XKR6: variants seen among roughly 807,000 people sequenced by gnomAD.
XKR6 encodes XK related 6, also known as XK-related protein 6.
A neutral mutation model predicts 56.7 loss-of-function variants in XKR6; 22 were observed. The ratio of observed to expected loss-of-function variants is 0.39; its 90% CI spans 0.28 to 0.55. XKR6 has a LOEUF of 0.55. Ranked by LOEUF, XKR6 falls within the 20% of genes least tolerant of loss-of-function variation. The probability of loss-of-function intolerance (pLI) is 0.66; values close to 1 mark genes in which losing one functional copy is unlikely to be tolerated. For missense variants in XKR6, 852 were observed against 889.0 expected (o/e 0.96, Z 0.53); for synonymous variants, 524 against 387.8 (o/e 1.35, Z -4.13).
intron 1 of XKR6, among the ~76,000 whole-genome samples, chr8:11,038,259 GA>G: frequency 6.6e-6 from 1 of 152,196 alleles, no homozygotes; most frequent in Admixed American, 6.5e-5. Context: ...TTTAATTTGA[GA>G]AAAAAGTGTC....
rs373213134 is a variant in XKR6, at chr8:10,973,807, A to G, written c.765-48977T>C. ...ACCATGTTGCCCAGGCTGGTCGTGA[A>G]CTCATGAGCTCAAGCAATCCACCCA... On this transcript the variant is annotated intron_variant, in intron 1 of 2. Coordinates refer to ENST00000416569, the MANE Select transcript of XKR6 (RefSeq NM_173683.4). 4.9e-3 allele frequency among the ~76,000 whole-genome samples: 739 copies of G among 152,182 alleles called. 6 individuals carry two copies. Among genetic ancestry groups the G allele is most frequent in the African/African-American group, 0.017 (691 of 41,518 alleles).
chr8:11,001,451 G>A (rs1012334494), intron 1 of XKR6, among the ~76,000 whole-genome samples: 6 of 152,146 alleles, frequency 3.9e-5, no homozygotes, highest in South Asian at 2.1e-4. Context: ...CTAGACTCTC[G>A]AATATTCAAA....
chr8:11,193,814 A>T (rs79385206), intron 1 of XKR6, among the ~76,000 whole-genome samples: 3,522 of 147,770 alleles, frequency 0.024, 139 homozygotes, highest in African/African-American at 0.083. Flanking sequence ...GCTTAAACAG[A>T]TACGCATATA....
chr8:11,078,685 T>C (rs576092182), intron 1 of XKR6, among the ~76,000 whole-genome samples: 13 of 152,178 alleles, frequency 8.5e-5, no homozygotes, highest in Non-Finnish European at 1.8e-4. Context: ...GCACGAAGGC[T>C]GGGCTCAGCA....
chr8:10,927,972 C>G (rs1373933252), intron 1 of XKR6, among the ~76,000 whole-genome samples: 1 of 152,206 alleles, frequency 6.6e-6, no homozygotes, highest in African/African-American at 2.4e-5. Context: ...CCAGGAGTTC[C>G]TGACAGCCAA....
chr8:11,088,116 T>A (rs905744569), intron 1 of XKR6, among the ~76,000 whole-genome samples: 9 of 152,108 alleles, frequency 5.9e-5, no homozygotes, highest in African/African-American at 1.9e-4. Context: ...GCTAAGAAAA[T>A]TCTATTCAGT....
At chr8:10,949,704 G>C (rs1309715777) in intron 1 of XKR6, among the ~76,000 whole-genome samples, 2 of 152,180 alleles carry the variant, frequency 1.3e-5, no homozygotes, top group Non-Finnish European at 2.9e-5. Flanking sequence ...CTCATCCAAG[G>C]ACACAAAGTC....
rs1258457220 is a variant in XKR6 at position 10,956,321 on chromosome 8, C to T, written c.765-31491G>A. On this transcript the variant is annotated intron_variant, in intron 1 of 2. Transcript: ENST00000416569. Reference sequence around the variant, plus strand: ...CTTTACTTTCTGCCCATCTGAAAGGCGCCCCGGGATGTGGTGGGGGTGGAC... The same window carrying T: ...CTTTACTTTCTGCCCATCTGAAAGGTGCCCCGGGATGTGGTGGGGGTGGAC... Among the ~76,000 whole-genome samples, 6 of 10,888 alleles carry T rather than the reference C, an allele frequency of 5.5e-4. No homozygotes were observed. The East Asian group carries it at 0.013, about 24-fold the overall frequency. The allele number at this position is 10,888 out of a possible 152,430, so 7.1% of individuals were successfully genotyped here.
chr8:11,080,272 CAG>C (rs755679486), intron 1 of XKR6, among the ~76,000 whole-genome samples: 10 of 152,078 alleles, frequency 6.6e-5, no homozygotes, highest in Non-Finnish European at 1.2e-4. Flanking sequence ...CAAACGAACA[CAG>C]AGAGATCTCT....
intron 1 of XKR6, among the ~76,000 whole-genome samples, chr8:11,168,311 G>C (rs1037351631): frequency 1.3e-5 from 2 of 152,152 alleles, no homozygotes; most frequent in African/African-American, 4.8e-5. Context: ...AGTTGAGAAG[G>C]ATACTATATT....
At chr8:11,100,209 T>C (rs543928894) in intron 1 of XKR6, among the ~76,000 whole-genome samples, 1 of 152,246 alleles carries the variant, frequency 6.6e-6, no homozygotes, top group Non-Finnish European at 1.5e-5. Flanking sequence ...TAAGCCATCA[T>C]GCCGAGCTAA....
At chr8:10,932,535 A>C (rs2129120589) in intron 1 of XKR6, among the ~76,000 whole-genome samples, 1 of 136,434 alleles carries the variant, frequency 7.3e-6, no homozygotes, top group East Asian at 2.1e-4. Flanking sequence ...CTAACTCGTC[A>C]TCTAGCCTTA....
chr8:10,939,930 C>T (rs1307107701), intron 1 of XKR6, among the ~76,000 whole-genome samples: 1 of 152,254 alleles, frequency 6.6e-6, no homozygotes, highest in Non-Finnish European at 1.5e-5. Context: ...CCAGCCTCCC[C>T]CTCCCCCAGG....
intron 1 of XKR6, among the ~76,000 whole-genome samples, chr8:11,182,776 G>A (rs557556424): frequency 6.6e-6 from 1 of 152,324 alleles, no homozygotes; most frequent in South Asian, 2.1e-4. Context: ...GTACAGTTCA[G>A]TGGCATTAAA....
intron 1 of XKR6, among the ~76,000 whole-genome samples, chr8:11,102,085 C>A (rs1361556801): frequency 6.6e-6 from 1 of 152,204 alleles, no homozygotes; most frequent in Non-Finnish European, 1.5e-5. Context: ...AAAGCAGTCA[C>A]TGGCTGAAAA....
At chr8:11,154,618 A>G (rs1245601810) in intron 1 of XKR6, among the ~76,000 whole-genome samples, 4 of 152,224 alleles carry the variant, frequency 2.6e-5, no homozygotes, top group African/African-American at 9.6e-5. Context: ...AAGTGAGAGT[A>G]GTCTTGGAAA....
intron 1 of XKR6, among the ~76,000 whole-genome samples, chr8:11,126,345 C>T (rs1475924284): frequency 1.3e-5 from 2 of 152,118 alleles, no homozygotes; most frequent in African/African-American, 4.8e-5. Context: ...GGATTACAGG[C>T]GTGAGCCACT....
chr8:11,115,870 T>C (rs374477483), intron 1 of XKR6, among the ~76,000 whole-genome samples: 1 of 152,376 alleles, frequency 6.6e-6, no homozygotes, highest in Non-Finnish European at 1.5e-5. Context: ...TTATCTTCTA[T>C]AATTTTTCAT....
intron 1 of XKR6, among the ~76,000 whole-genome samples, chr8:11,010,911 A>G (rs1282692414): frequency 6.6e-6 from 1 of 151,574 alleles, no homozygotes. Flanking sequence ...TCTCCTTTTC[A>G]CTCATGTGAC....
Sources: allele counts gnomAD v4.1 joint callset (sites outside exome capture counted in the v4.1 genomes callset), GRCh38; gene constraint gnomAD v4.1.1; transcripts MANE v1.5; gene names NCBI Gene and HGNC (gene_info 2026-07-23, HGNC 2026-07-21).